ALYREF: variants seen among roughly 807,000 people sequenced by gnomAD.
ALYREF encodes Aly/REF export factor, also known as THO complex subunit 4.
ALYREF carries 1 observed loss-of-function variant against 25.2 expected under a neutral mutation model. The ratio of observed to expected loss-of-function variants is 0.04; its 90% confidence interval spans 0.01 to 0.19. ALYREF has a LOEUF of 0.19. Among genes scored for constraint, ALYREF ranks in the 10% least tolerant of loss-of-function variants. The pLI, the probability that ALYREF is intolerant of heterozygous loss-of-function variation, is 1.00. For synonymous variants in ALYREF, 193 were observed against 153.5 expected, an observed-to-expected ratio of 1.26 and a Z score of -1.90; for missense variants, 328 against 375.6, an observed-to-expected ratio of 0.87 and a Z score of 1.05.
rs1479457617 is a variant in ALYREF at position 81,891,258 on chromosome 17, C to G, written c.258+65G>C. The G allele has an allele frequency of 6.5e-6, 7 of 1,076,768 alleles. No individual in the cohort carries two copies. In the East Asian group the frequency reaches 3.7e-4, roughly 57 times the overall value. 66.7% of individuals were successfully genotyped at this position (1,076,768 alleles called of 1,614,324 possible). A position where few individuals can be genotyped will look rare whatever the true frequency, so the allele number is the denominator to read the frequency against. On this transcript the variant is annotated intron_variant, in intron 1 of 5. Coordinates refer to ENST00000505490, the MANE Select transcript of ALYREF (RefSeq NM_005782.4). ...CGCCGGCCCGGGTCTCCGCCGCGAGCGGCCCCGGCCCCAGCCCCGGCTGGC... is the reference window on the plus strand; with the variant it reads ...CGCCGGCCCGGGTCTCCGCCGCGAGGGGCCCCGGCCCCAGCCCCGGCTGGC...
chr17:81,890,674 G>T lies in ALYREF; in HGVS notation c.390+15C>A, dbSNP rs368961208. ...TGCAGGGCGAACGGCTCACCGAGAA[G>T]CCCTCGTCTCTTACCTGAATATCGG... On this transcript the variant is annotated intron_variant, in intron 2 of 5. Transcript: ENST00000505490. 30 of 1,612,748 alleles carry T rather than the reference G, an allele frequency of 1.9e-5. No individual in the cohort carries two copies. In the African/African-American group the frequency reaches 3.7e-4, roughly 20 times the overall value.
rs987477942 is a variant in ALYREF at position 81,888,955 on chromosome 17, C to G, written c.538+227G>C. 1.4e-6 allele frequency: 2 copies of G among 1,415,846 alleles called. No individual in the cohort carries two copies. Among genetic ancestry groups the G allele is most frequent in the Non-Finnish European group, 1.8e-6 (2 of 1,087,212 alleles). The allele number at this position is 1,415,846 out of a possible 1,614,324, so 87.7% of individuals were successfully genotyped here. On this transcript the variant is annotated intron_variant, in intron 3 of 5. Transcript: ENST00000505490. The surrounding 1 kb of genome is among the most constrained non-coding windows in gnomAD (Gnocchi z 5.8). ...GAAGGCTTCACAGAAGTGAATCTTCCGGAAGGAGCTGAAGGAGGGGAGGGA... is the reference window on the plus strand; with the variant it reads ...GAAGGCTTCACAGAAGTGAATCTTCGGGAAGGAGCTGAAGGAGGGGAGGGA...
In ALYREF at chr17:81,891,034, C is replaced by T. The variant is rs923092393; in HGVS notation, c.259-214G>A. 12 of 749,764 alleles carry T rather than the reference C, an allele frequency of 1.6e-5. No homozygotes were observed. The Admixed American group carries it at 3.6e-4, about 23-fold the overall frequency. The allele number at this position is 749,764 out of a possible 1,614,324, so 46.4% of individuals were successfully genotyped here. A position where few individuals can be genotyped will look rare whatever the true frequency, so the allele number is the denominator to read the frequency against. ...ACTTCAGTTCCCTTAGACTAACTTC[C>T]CGCCGCCTGTGCCGCGCCCAGCGTC... On this transcript the variant is annotated intron_variant, in intron 1 of 5. Transcript: ENST00000505490.
Position 81,888,159 on chromosome 17 carries a change from G to C in ALYREF, c.781-14C>G, listed in dbSNP as rs377201658. On this transcript the variant is annotated splice_polypyrimidine_tract_variant and intron_variant, in intron 5 of 5. Coordinates refer to ENST00000505490, the MANE Select transcript of ALYREF (RefSeq NM_005782.4). This position sits in a 1 kb window ranked among gnomAD's most constrained non-coding sequence, Gnocchi z 5.8. ...ACTGGTGTCCATCTGAAACACAGAG[G>C]AGAAAGAGGCTTGCATTCACAGGCG... The C allele has an allele frequency of 6.2e-7, 1 of 1,614,132 alleles. No homozygotes were observed. The highest frequency in any genetic ancestry group is 1.7e-5 in the Admixed American group (1 of 60,022).
In ALYREF at chr17:81,888,811, C is replaced by T. The variant is rs913126043; in HGVS notation, c.539-228G>A. The T allele has an allele frequency of 8.4e-6, 12 of 1,423,698 alleles. No homozygotes were observed. The Admixed American group carries it at 1.4e-4, about 17-fold the overall frequency. 88.2% of individuals were successfully genotyped at this position (1,423,698 alleles called of 1,614,324 possible). A position where few individuals can be genotyped will look rare whatever the true frequency, so the allele number is the denominator to read the frequency against. ...CTCAGTCCAGACTAGGTGGGCTGCT[C>T]GCTGAGGTATCGGGGTGCTCGTGGG... On this transcript the variant is annotated intron_variant, in intron 3 of 5. Transcript: ENST00000505490. This position sits in a 1 kb window ranked among gnomAD's most constrained non-coding sequence, Gnocchi z 5.8.
rs1435463403 is a variant in ALYREF at position 81,888,775 on chromosome 17, C to A, written c.539-192G>T. On this transcript the variant is annotated intron_variant, in intron 3 of 5. Transcript: ENST00000505490. This position sits in a 1 kb window ranked among gnomAD's most constrained non-coding sequence, Gnocchi z 5.8. ...CAAGGAAGCAACCCCACCAACACCT[C>A]CTCACTCCTTCTCAGTCCAGACTAG... 1.4e-6 allele frequency: 2 copies of A among 1,446,786 alleles called. No individual in the cohort carries two copies. The highest frequency in any genetic ancestry group is 1.8e-6 in the Non-Finnish European group (2 of 1,100,458). 89.6% of individuals were successfully genotyped at this position (1,446,786 alleles called of 1,614,324 possible). A position where few individuals can be genotyped will look rare whatever the true frequency, so the allele number is the denominator to read the frequency against.
chr17:81,890,092 G>T (rs796757418), intron 2 of ALYREF: 1 of 152,162 alleles, frequency 6.6e-6, no homozygotes, highest in Admixed American at 6.6e-5. Context: ...TTCCCAAAAA[G>T]TCATTTCTTA....
Position 81,889,119 on chromosome 17 carries a change from G to A in ALYREF, c.538+63C>T, listed in dbSNP as rs1419020130. On this transcript the variant is annotated intron_variant, in intron 3 of 5. Transcript: ENST00000505490. ...CAGGGGTACCCCATATTCCTACCTG[G>A]ACAGGTGCCAGCCCCAAACTCCACA... 9 of 1,596,102 alleles carry A rather than the reference G, an allele frequency of 5.6e-6. No homozygotes were observed. In the East Asian group the frequency reaches 2.0e-4, roughly 36 times the overall value.
In ALYREF at chr17:81,891,308, G is replaced by A. The variant is rs1336043158; in HGVS notation, c.258+15C>T. On this transcript the variant is annotated intron_variant, in intron 1 of 5. Coordinates refer to ENST00000505490, the MANE Select transcript of ALYREF (RefSeq NM_005782.4). Reference sequence around the variant, plus strand: ...CCCCCTCCCACTCTCCGGCGCGGCCGGCCTCCGCACTCACCCTGCTGTAGG... The same window carrying A: ...CCCCCTCCCACTCTCCGGCGCGGCCAGCCTCCGCACTCACCCTGCTGTAGG... 3.5e-6 allele frequency: 4 copies of A among 1,137,270 alleles called. No individual in the cohort carries two copies. In the African/African-American group the frequency reaches 5.0e-5, roughly 14 times the overall value. 70.4% of individuals were successfully genotyped at this position (1,137,270 alleles called of 1,614,324 possible).
At chr17:81,889,110 T>G (rs2039468689) in intron 3 of ALYREF, 72 bp downstream of exon 3, 14 of 1,586,696 alleles carry the variant, frequency 8.8e-6, no homozygotes, top group Non-Finnish European at 9.5e-6. Flanking sequence ...TACCCCATAT[T>G]CCTACCTGGA....
Position 81,890,981 on chromosome 17 carries a change from G to A in ALYREF, c.259-161C>T. On this transcript the variant is annotated intron_variant, in intron 1 of 5. Coordinates refer to ENST00000505490, the MANE Select transcript of ALYREF (RefSeq NM_005782.4). ...CGGCGCTGCAGCTGCCCCAGCCCGA[G>A]GCCGCACGGTCCCACCGCGGCCGCA... 3 of 1,102,806 alleles carry A rather than the reference G, an allele frequency of 2.7e-6. No homozygotes were observed. The South Asian group carries it at 4.6e-5, about 17-fold the overall frequency. The allele number at this position is 1,102,806 out of a possible 1,614,324, so 68.3% of individuals were successfully genotyped here. A position where few individuals can be genotyped will look rare whatever the true frequency, so the allele number is the denominator to read the frequency against.
intron 2 of ALYREF, 82 bp from the exon 3 acceptor site, chr17:81,889,411 TGA>T: frequency 6.6e-7 from 1 of 1,523,192 alleles, no homozygotes. Context: ...CCTGGAAGCG[TGA>T]GTTGCTTTGG....
chr17:81,890,577 G>A (rs1368774800), intron 2 of ALYREF, 112 bp downstream of exon 2: 3 of 1,487,076 alleles, frequency 2.0e-6, no homozygotes, highest in Admixed American at 2.0e-5. Context: ...GCCCTTCAGA[G>A]CTGGGAGGGC....
At chr17:81,889,061 G>A in intron 3 of ALYREF, 121 bp downstream of exon 3, 4 of 1,480,996 alleles carry the variant, frequency 2.7e-6, no homozygotes, top group Non-Finnish European at 3.6e-6. Flanking sequence ...GGAAGAGAGA[G>A]ACAAAGGGGC....
intron 3 of ALYREF, 143 bp downstream of exon 3, chr17:81,889,039 G>A: frequency 1.4e-6 from 2 of 1,463,772 alleles, no homozygotes; most frequent in East Asian, 2.5e-5. Context: ...GGCAGCATGA[G>A]AGGTGGCAGA....
intron 1 of ALYREF, 118 bp from the exon 2 acceptor site, chr17:81,890,938 G>A (rs1245645127): frequency 6.8e-7 from 1 of 1,463,270 alleles, no homozygotes; most frequent in African/African-American, 1.4e-5. Context: ...GCCGAAACGG[G>A]GCCGCCAGCG....
chr17:81,890,434 T>C (rs1208976879), intron 2 of ALYREF, among the ~76,000 whole-genome samples: 1 of 152,198 alleles, frequency 6.6e-6, no homozygotes, highest in Non-Finnish European at 1.5e-5. Context: ...TGTTAGAAAC[T>C]GGAAGCCCTG....
intron 3 of ALYREF, 167 bp downstream of exon 3, chr17:81,889,015 G>A: frequency 1.4e-6 from 2 of 1,448,318 alleles, no homozygotes; most frequent in East Asian, 2.5e-5. Context: ...CAAGAGGTTG[G>A]TCCAGATGTG....
In ALYREF at chr17:81,888,216, C is replaced by A; in HGVS notation, c.780+25G>T. ...TCCCCACTGCGGCTTTGACCAGGCC[C>A]CCAGCTGGCTCCCCCGGGACTCACT... On this transcript the variant is annotated intron_variant, in intron 5 of 5. Transcript: ENST00000505490. This position sits in a 1 kb window ranked among gnomAD's most constrained non-coding sequence, Gnocchi z 5.8. 1.2e-6 allele frequency: 2 copies of A among 1,613,956 alleles called. No individual in the cohort carries two copies. The highest frequency in any genetic ancestry group is 4.5e-5 in the East Asian group (2 of 44,884).
Sources: allele counts gnomAD v4.1 joint callset (sites outside exome capture counted in the v4.1 genomes callset), GRCh38; gene constraint gnomAD v4.1.1; non-coding constraint Gnocchi (gnomAD v3.1); transcripts MANE v1.5; gene names NCBI Gene and HGNC (gene_info 2026-07-23, HGNC 2026-07-21).